Variants in PTPRG observed in about 807,000 individuals in gnomAD.
The protein encoded by PTPRG is protein tyrosine phosphatase receptor type G, also known as receptor-type tyrosine-protein phosphatase gamma.
In PTPRG, 102 loss-of-function variants were observed where a neutral mutation model predicts 165.3. That is an observed-to-expected ratio of 0.62 (90% CI 0.53 to 0.73). PTPRG has a LOEUF of 0.73. Among genes scored for constraint, PTPRG ranks in the 30% least tolerant of loss-of-function variants. PTPRG has a pLI of 0.00. For missense variants in PTPRG, 1,866 were observed against 1,861.4 expected (o/e 1.00, Z -0.05); for synonymous variants, 675 against 669.5 (o/e 1.01, Z -0.13).
chr3:61,857,348 G>T (rs1310956205), intron 2 of PTPRG, among the ~76,000 whole-genome samples: 1 of 152,160 alleles, frequency 6.6e-6, no homozygotes, highest in East Asian at 1.9e-4. Flanking sequence ...ATACACAGCA[G>T]CTCCCACAGC....
In PTPRG at chr3:61,790,017, C is replaced by T. The variant is rs540350107; in HGVS notation, c.190+41035C>T. Among the ~76,000 whole-genome samples, 24 of 152,254 alleles carry T rather than the reference C, an allele frequency of 1.6e-4. 1 individual carries two copies. The South Asian group carries it at 4.3e-3, about 28-fold the overall frequency. On this transcript the variant is annotated intron_variant, in intron 2 of 29. Transcript: ENST00000474889. ...CTGGTACCATCAGGGTCGGCATGGCCGTGGGATTCAGCTGATGTGCTTATT... is the reference window on the plus strand; with the variant it reads ...CTGGTACCATCAGGGTCGGCATGGCTGTGGGATTCAGCTGATGTGCTTATT...
intron 14 of PTPRG, among the ~76,000 whole-genome samples, chr3:62,235,099 C>T (rs1700999292): frequency 6.6e-6 from 1 of 152,150 alleles, no homozygotes. Context: ...GGCTTTTACC[C>T]AGACATTTTA....
chr3:62,265,499 T>A (rs1432523536), intron 17 of PTPRG, among the ~76,000 whole-genome samples: 1 of 152,190 alleles, frequency 6.6e-6, no homozygotes, highest in African/African-American at 2.4e-5. Flanking sequence ...TCTAGTAGTT[T>A]TTTCTTGATT....
chr3:62,076,773 G>T (rs1217381565), intron 4 of PTPRG, among the ~76,000 whole-genome samples: 3 of 151,902 alleles, frequency 2.0e-5, no homozygotes, highest in East Asian at 1.9e-4. Flanking sequence ...TAGGAACAGG[G>T]TTTCTCCATG....
At chr3:61,728,941 A>T (rs1386515817) in intron 1 of PTPRG, among the ~76,000 whole-genome samples, 1 of 151,618 alleles carries the variant, frequency 6.6e-6, no homozygotes, top group African/African-American at 2.4e-5. Flanking sequence ...ATGTTCCTGT[A>T]GTCCTGGTTA....
chr3:62,218,795 C>A, intron 12 of PTPRG, 56 bp from the exon 13 acceptor site: 1 of 1,558,734 alleles, frequency 6.4e-7, no homozygotes, highest in Non-Finnish European at 8.7e-7. Context: ...TGCATCAATT[C>A]TGGCTCCCAC....
At chr3:62,199,307 G>T (rs1444278419) in intron 10 of PTPRG, among the ~76,000 whole-genome samples, 1 of 152,150 alleles carries the variant, frequency 6.6e-6, no homozygotes, top group Non-Finnish European at 1.5e-5. Context: ...CTTTCCAACT[G>T]TGCAAAATGG....
intron 1 of PTPRG, among the ~76,000 whole-genome samples, chr3:61,683,582 C>T (rs979906111): frequency 3.9e-5 from 6 of 152,226 alleles, no homozygotes; most frequent in Non-Finnish European, 8.8e-5. Context: ...TTTCTAAAAC[C>T]ATGGTTGCAG....
In PTPRG at chr3:61,932,150, T is replaced by G. The variant is rs549848765; in HGVS notation, c.191-57475T>G. 1.3e-4 allele frequency among the ~76,000 whole-genome samples: 20 copies of G among 152,368 alleles called. 1 individual carries two copies. The highest frequency in any genetic ancestry group is 3.4e-3 in the Middle Eastern group (1 of 294). ...AATTATATATCTACCACTAAGTGTG[T>G]GTCAGATGGGGTCTGCAGGTGTGGG... On this transcript the variant is annotated intron_variant, in intron 2 of 29. Coordinates refer to ENST00000474889, the MANE Select transcript of PTPRG (RefSeq NM_002841.4).
Position 61,638,943 on chromosome 3 carries a change from T to C in PTPRG, c.85+76571T>C, listed in dbSNP as rs567294030. ...TTAGGTCCAGTTGTCTGTATTTGTT[T>C]TTATTGCAATTGCTTTTGAGGACTT... On this transcript the variant is annotated intron_variant, in intron 1 of 29. Transcript: ENST00000474889. Among the ~76,000 whole-genome samples the C allele has an allele frequency of 3.5e-4, 53 of 152,312 alleles. 1 individual carries two copies. The highest frequency in any genetic ancestry group is 7.2e-4 in the Admixed American group (11 of 15,302).
At chr3:62,247,724 C>T (rs1701321398) in intron 15 of PTPRG, among the ~76,000 whole-genome samples, 2 of 152,146 alleles carry the variant, frequency 1.3e-5, no homozygotes, top group Non-Finnish European at 2.9e-5. Context: ...ACTAACTCAG[C>T]AACTTTGGAT....
intron 4 of PTPRG, among the ~76,000 whole-genome samples, chr3:62,035,759 G>A (rs1179101660): frequency 2.0e-5 from 3 of 152,224 alleles, no homozygotes; most frequent in South Asian, 2.1e-4. Flanking sequence ...TGGAGGAGCT[G>A]TAGCTTCTAG....
intron 2 of PTPRG, among the ~76,000 whole-genome samples, chr3:61,906,611 A>G (rs965244570): frequency 6.6e-6 from 1 of 152,126 alleles, no homozygotes; most frequent in African/African-American, 2.4e-5. Flanking sequence ...TTCTCCAAAT[A>G]AAAAGTAAAA....
chr3:62,025,528 C>A (rs1409881124), intron 4 of PTPRG, among the ~76,000 whole-genome samples: 1 of 151,980 alleles, frequency 6.6e-6, no homozygotes, highest in Non-Finnish European at 1.5e-5. Flanking sequence ...TGATTAGGAT[C>A]TCAAAGGGTT....
At chr3:61,790,958 A>G (rs1435982437) in intron 2 of PTPRG, among the ~76,000 whole-genome samples, 1 of 152,182 alleles carries the variant, frequency 6.6e-6, no homozygotes, top group African/African-American at 2.4e-5. Flanking sequence ...TAGCAAGGAT[A>G]TTTGTAATTA....
intron 2 of PTPRG, among the ~76,000 whole-genome samples, chr3:61,915,193 C>T (rs1222939943): frequency 1.3e-5 from 2 of 152,206 alleles, no homozygotes; most frequent in African/African-American, 2.4e-5. Flanking sequence ...CAAGCCACTG[C>T]ACTCCAGCCT....
In PTPRG at chr3:61,597,625, G is replaced by A. The variant is rs982191520; in HGVS notation, c.85+35253G>A. 3.3e-5 allele frequency among the ~76,000 whole-genome samples: 5 copies of A among 152,240 alleles called. No individual in the cohort carries two copies. In the South Asian group the frequency reaches 8.3e-4, roughly 25 times the overall value. On this transcript the variant is annotated intron_variant, in intron 1 of 29. Coordinates refer to ENST00000474889, the MANE Select transcript of PTPRG (RefSeq NM_002841.4). ...GGATTTGGTTTTAGGTCATTGTCCT[G>A]AACTTAATAAATTGGTTTGGATTTC...
intron 1 of PTPRG, among the ~76,000 whole-genome samples, chr3:61,726,902 C>T (rs1159055045): frequency 5.3e-5 from 8 of 152,090 alleles, no homozygotes; most frequent in Non-Finnish European, 1.0e-4. Flanking sequence ...AAAAAATTAG[C>T]CAGCCATGGT....
At chr3:62,181,997 A>G (rs1464641122) in intron 8 of PTPRG, among the ~76,000 whole-genome samples, 1 of 152,240 alleles carries the variant, frequency 6.6e-6, no homozygotes, top group African/African-American at 2.4e-5. Flanking sequence ...CAATTAACAC[A>G]TATTTTGTAT....
Sources: gnomAD v4.1 joint callset for allele counts (sites outside exome capture counted in the v4.1 genomes callset) on GRCh38, gnomAD v4.1.1 for gene constraint, MANE v1.5 for transcripts, NCBI Gene and HGNC (gene_info 2026-07-23, HGNC 2026-07-21) for gene names.